BBS2: variants seen among roughly 807,000 people sequenced by gnomAD.
The protein encoded by BBS2 is BBSome complex member BBS2.
A neutral mutation model predicts 83.0 loss-of-function variants in BBS2; 62 were observed. The observed-to-expected ratio is 0.75, with a 90% confidence interval of 0.61 to 0.92. The LOEUF (loss-of-function observed/expected upper bound fraction) is 0.92. Among genes scored for constraint, BBS2 ranks in the 40% least tolerant of loss-of-function variants. BBS2 has a pLI of 0.00. For missense variants in BBS2, 784 were observed against 901.0 expected, an observed-to-expected ratio of 0.87 and a Z score of 1.66; for synonymous variants, 303 against 326.1, an observed-to-expected ratio of 0.93 and a Z score of 0.76.
In BBS2 at chr16:56,496,914, A is replaced by G. The variant is rs1012320741; in HGVS notation, c.1910+53T>C. 61 of 1,269,898 alleles carry G rather than the reference A, an allele frequency of 4.8e-5. No individual in the cohort carries two copies. In the African/African-American group the frequency reaches 8.5e-4, roughly 18 times the overall value. The allele number at this position is 1,269,898 out of a possible 1,614,324, so 78.7% of individuals were successfully genotyped here. A position where few individuals can be genotyped will look rare whatever the true frequency, so the allele number is the denominator to read the frequency against. On this transcript the variant is annotated intron_variant, in intron 15 of 16. Coordinates refer to ENST00000245157, the MANE Select transcript of BBS2 (RefSeq NM_031885.5). The stretch of plus-strand genomic sequence containing the variant: ...GGTAACATCTGAGAGTTGCTATTCC[A>G]TACTGCTCACATTTTTAACCCTGCA...
intron 10 of BBS2, 31 bp downstream of exon 10, chr16:56,501,322 C>T (rs1964265273): frequency 6.2e-7 from 1 of 1,613,148 alleles, no homozygotes; most frequent in Non-Finnish European, 8.5e-7. Context: ...GCACAGGTGC[C>T]TCTAAATACC....
chr16:56,516,744 T>C (rs1964763458), intron 1 of BBS2, among the ~76,000 whole-genome samples: 1 of 152,166 alleles, frequency 6.6e-6, no homozygotes, highest in African/African-American at 2.4e-5. Flanking sequence ...GTCAGCTCCA[T>C]GTTCACAACA....
intron 5 of BBS2, 142 bp downstream of exon 5, chr16:56,509,815 G>T: frequency 1.3e-6 from 1 of 757,618 alleles, no homozygotes; most frequent in Non-Finnish European, 2.3e-6. Flanking sequence ...ATAACATACA[G>T]CTCTGTCTGA....
At chr16:56,474,967 C>G (rs1482675093) in intron 17 of BBS2, 1 of 1,612,310 alleles carries the variant, frequency 6.2e-7, no homozygotes, top group Non-Finnish European at 8.5e-7. Context: ...GGGAGGAAAG[C>G]AAGCGGTGGA....
chr16:56,499,180 G>A (rs1292833499), intron 12 of BBS2: 1 of 174,948 alleles, frequency 5.7e-6, no homozygotes, highest in African/African-American at 2.4e-5. Flanking sequence ...GCAGGGGCCT[G>A]AGAATCTACA....
At chr16:56,508,885 G>A (rs1250173126) in intron 5 of BBS2, among the ~76,000 whole-genome samples, 1 of 152,066 alleles carries the variant, frequency 6.6e-6, no homozygotes, top group Admixed American at 6.5e-5. Context: ...CTGGCCTCAA[G>A]TGATCCTCCC....
chr16:56,475,655 T>C (rs1170196421), intron 17 of BBS2: 1 of 995,726 alleles, frequency 1.0e-6, no homozygotes, highest in East Asian at 2.4e-5. Flanking sequence ...CTTCTACCAG[T>C]GTCTTTAGCT....
Position 56,502,623 on chromosome 16 carries a change from A to C in BBS2, c.940+50T>G, listed in dbSNP as rs184075651. The C allele has an allele frequency of 1.9e-3, 2,993 of 1,613,808 alleles. 1 individual carries two copies. The highest frequency in any genetic ancestry group is 2.3e-3 in the Non-Finnish European group (2,714 of 1,179,682). On this transcript the variant is annotated intron_variant, in intron 8 of 16. Transcript: ENST00000245157. ...GTGAAATTTCCTGATATTTTGACCCAATCAAATGGAAAACGTGACTTTTTA... is the reference window on the plus strand; with the variant it reads ...GTGAAATTTCCTGATATTTTGACCCCATCAAATGGAAAACGTGACTTTTTA...
chr16:56,498,395 A>G, intron 13 of BBS2, 42 bp downstream of exon 13: 1 of 1,606,866 alleles, frequency 6.2e-7, no homozygotes, highest in Non-Finnish European at 8.5e-7. Context: ...TGAATAAATA[A>G]ATTCAAAAAA....
intron 7 of BBS2, among the ~76,000 whole-genome samples, chr16:56,503,386 A>T (rs1964333294): frequency 6.6e-6 from 1 of 152,226 alleles, no homozygotes; most frequent in Non-Finnish European, 1.5e-5. Flanking sequence ...TTATATATAA[A>T]TGTATAAAGT....
At position 56,484,451 on chromosome 16, in the gene BBS2, T is replaced by C. The variant is rs925276281; in HGVS notation, c.*310A>G. 2.8e-5 allele frequency: 6 copies of C among 211,434 alleles called. No individual in the cohort carries two copies. Among genetic ancestry groups the C allele is most frequent in the South Asian group, 1.8e-4 (2 of 10,878 alleles). The allele number at this position is 211,434 out of a possible 1,614,324, so 13.1% of individuals were successfully genotyped here. On this transcript the variant is annotated 3_prime_UTR_variant, in exon 17 of 17. Transcript: ENST00000245157. ...TTGAAAAGTACAAACTCAATTGCAA[T>C]TTCAAGAAAAAAATATGTATTTATA...
chr16:56,499,736 C>A, intron 12 of BBS2, 42 bp downstream of exon 12: 1 of 1,612,690 alleles, frequency 6.2e-7, no homozygotes, highest in Non-Finnish European at 8.5e-7. Flanking sequence ...CTAAAGGATT[C>A]TACTGTGTAA....
intron 17 of BBS2, among the ~76,000 whole-genome samples, chr16:56,470,965 A>T (rs559683654): frequency 6.6e-6 from 1 of 152,312 alleles, no homozygotes; most frequent in East Asian, 1.9e-4. Flanking sequence ...CTAGTAGAAG[A>T]AGACAGAGAT....
chr16:56,495,514 G>A (rs1483512838), intron 15 of BBS2, among the ~76,000 whole-genome samples: 1 of 152,110 alleles, frequency 6.6e-6, no homozygotes, highest in African/African-American at 2.4e-5. Context: ...CACCCCACAG[G>A]AGAAGGAGAG....
intron 17 of BBS2, among the ~76,000 whole-genome samples, chr16:56,474,296 T>G (rs1020250084): frequency 5.3e-5 from 8 of 151,466 alleles, no homozygotes; most frequent in Non-Finnish European, 1.0e-4. Context: ...TTTATTATTA[T>G]AGAGAGAAAT....
Position 56,511,164 on chromosome 16 carries a change from A to G in BBS2, c.466T>C (p.Trp156Arg). The G allele has an allele frequency of 6.2e-7, 1 of 1,614,094 alleles. No individual in the cohort carries two copies. Among genetic ancestry groups the G allele is most frequent in the Non-Finnish European group, 8.5e-7 (1 of 1,179,998 alleles). Residue 156 changes from tryptophan (W) to arginine (R), a missense_variant, in exon 3 of 17, where the codon TGG becomes CGG. By Grantham distance (101) the Trp-to-Arg change is moderately radical (BLOSUM62 -3). Transcript: ENST00000245157. ...GAATGTTTTCTTCTTCATACCGTCC[A>G]AAAGAGATCACTTCCTTCATGATTG... ...GFNHEGSDLF[W>R]TVTGDNVNSL...
intron 7 of BBS2, among the ~76,000 whole-genome samples, chr16:56,505,650 T>C (rs1309966192): frequency 6.6e-6 from 1 of 152,230 alleles, no homozygotes; most frequent in African/African-American, 2.4e-5. Flanking sequence ...TTTTTTACTG[T>C]TGTACTACCT....
intron 11 of BBS2, 114 bp from the exon 12 acceptor site, chr16:56,500,021 C>T: frequency 7.4e-7 from 1 of 1,344,976 alleles, no homozygotes; most frequent in South Asian, 1.2e-5. Flanking sequence ...TTAAGGGTTT[C>T]ACTTAAGAAG....
chr16:56,514,093 G>A (rs1385001911), intron 2 of BBS2, among the ~76,000 whole-genome samples: 1 of 152,190 alleles, frequency 6.6e-6, no homozygotes, highest in Non-Finnish European at 1.5e-5. Flanking sequence ...TAGGTGGCAG[G>A]CTACAGTAAG....
Sources: gnomAD v4.1 joint callset for allele counts (sites outside exome capture counted in the v4.1 genomes callset) on GRCh38, gnomAD v4.1.1 for gene constraint, MANE v1.5 for transcripts, NCBI Gene and HGNC (gene_info 2026-07-23, HGNC 2026-07-21) for gene names.